GPRC5B: variants seen among roughly 807,000 people sequenced by gnomAD.
The protein encoded by GPRC5B is G protein-coupled receptor class C group 5 member B.
In GPRC5B, 16 loss-of-function variants were observed where a neutral mutation model predicts 30.1. The ratio of observed to expected loss-of-function variants is 0.53; its 90% confidence interval spans 0.36 to 0.81. The LOEUF is 0.81. GPRC5B is among the 30% of genes least tolerant of loss of function. The pLI is 0.01. For synonymous variants in GPRC5B, 241 were observed against 239.5 expected (o/e 1.01, Z -0.06); for missense variants, 428 against 544.7 (o/e 0.79, Z 2.13).
chr16:19,872,691 TC>T lies in GPRC5B; in HGVS notation c.154del (p.Asp52ThrfsTer17). 2 of 1,614,026 alleles carry T rather than the reference TC, an allele frequency of 1.2e-6. No individual in the cohort carries two copies. The highest frequency in any genetic ancestry group is 1.7e-6 in the Non-Finnish European group (2 of 1,180,016). On this transcript the variant is annotated frameshift_variant, in exon 2 of 4. Coordinates refer to ENST00000300571, the MANE Select transcript of GPRC5B (RefSeq NM_016235.3). LOFTEE classifies it high-confidence loss of function. This position sits in a 1 kb window ranked among gnomAD's most constrained non-coding sequence, Gnocchi z 5.0. Reference protein sequence around the residue: ...LPQYVSLCDLDAIWGIVVEAV... With the variant: ...LPQYVSLCDLXAIWGIVVEAV... ...CTCCACCACAATGCCCCAGATGGCG[TC>T]CAGGTCGCACAGGGACACGTACTGA...
chr16:19,876,966 T>C (rs978933292), intron 1 of GPRC5B, among the ~76,000 whole-genome samples: 1 of 152,182 alleles, frequency 6.6e-6, no homozygotes, highest in African/African-American at 2.4e-5. Context: ...GAGTGGTTCA[T>C]GGAAAGGCAC....
rs778889038 is a variant in GPRC5B, at chr16:19,872,054, C to A, written c.792G>T (p.Gly264=). 3.1e-6 allele frequency: 5 copies of A among 1,614,024 alleles called. No homozygotes were observed. In the East Asian group the frequency reaches 1.1e-4, roughly 36 times the overall value. The part of the protein sequence containing the change: ...YLFGNVKLQQ[G]DAWNDPTLAI... ...CCAAGGTGGGGTCGTTCCAGGCATCCCCCTGCTGCAGCTTGACATTGCCGA... is the reference window on the plus strand; with the variant it reads ...CCAAGGTGGGGTCGTTCCAGGCATCACCCTGCTGCAGCTTGACATTGCCGA... The change falls in exon 2 of 4, where the codon GGG becomes GGT. Residue 264 remains glycine (G), a synonymous_variant. Transcript: ENST00000300571. This position sits in a 1 kb window ranked among gnomAD's most constrained non-coding sequence, Gnocchi z 5.0.
intron 1 of GPRC5B, among the ~76,000 whole-genome samples, chr16:19,873,759 G>A (rs1597630779): frequency 6.6e-6 from 1 of 152,024 alleles, no homozygotes; most frequent in Admixed American, 6.6e-5. Context: ...ACCTCACTCC[G>A]CGGGCTCCCA....
At position 19,880,270 on chromosome 16, in the gene GPRC5B, G is replaced by C. The variant is rs117620778; in HGVS notation, c.-2+4457C>G. Reference sequence around the variant, plus strand: ...TAGAAGGGGTGGTTGCCATGGAGATGGTGTTGTAACGAGGTGGCTCGCCTA... The same window carrying C: ...TAGAAGGGGTGGTTGCCATGGAGATCGTGTTGTAACGAGGTGGCTCGCCTA... On this transcript the variant is annotated intron_variant, in intron 1 of 3. Transcript: ENST00000300571. Among the ~76,000 whole-genome samples the C allele has an allele frequency of 6.7e-3, 1,012 of 151,318 alleles. 6 individuals carry two copies. The highest frequency in any genetic ancestry group is 8.8e-3 in the Non-Finnish European group (595 of 67,812).
chr16:19,878,247 C>G lies in GPRC5B; in HGVS notation c.-1-5401G>C, dbSNP rs547013363. Among the ~76,000 whole-genome samples, 4 of 150,844 alleles carry G rather than the reference C, an allele frequency of 2.7e-5. No individual in the cohort carries two copies. The South Asian group carries it at 8.4e-4, about 32-fold the overall frequency. On this transcript the variant is annotated intron_variant, in intron 1 of 3. Transcript: ENST00000300571. The stretch of plus-strand genomic sequence containing the variant: ...AACAAAAAAACCCAAAGTAGATTCT[C>G]CCTGTCCTTGTCAATCTTTTGAGTG...
upstream of GPRC5B, chr16:19,885,389 A>T (rs958384663): frequency 2.6e-6 from 3 of 1,170,740 alleles, no homozygotes; most frequent in Non-Finnish European, 3.2e-6. This position sits in a 1 kb window ranked among gnomAD's most constrained non-coding sequence, Gnocchi z 5.3. Context: ...ACCTAGGCGC[A>T]CACACACCGC....
At chr16:19,880,107 T>C (rs2056792615) in intron 1 of GPRC5B, among the ~76,000 whole-genome samples, 1 of 151,824 alleles carries the variant, frequency 6.6e-6, no homozygotes, top group African/African-American at 2.4e-5. Context: ...CACTCCAGCC[T>C]AGGTGACAGC....
chr16:19,857,389 T>C lies in GPRC5B; in HGVS notation c.*3111A>G. The C allele has an allele frequency of 3.8e-5, 16 of 423,984 alleles. 1 individual carries two copies. The highest frequency in any genetic ancestry group is 2.6e-4 in the South Asian group (15 of 57,518). 26.3% of individuals were successfully genotyped at this position (423,984 alleles called of 1,614,324 possible). On this transcript the variant is annotated 3_prime_UTR_variant, in exon 4 of 4. Coordinates refer to ENST00000300571, the MANE Select transcript of GPRC5B (RefSeq NM_016235.3). ...GGTTTACAGCCTTTTAAATTTGTAA[T>C]ATTTATATAGTCGTTTATGGTACAT...
intron 1 of GPRC5B, among the ~76,000 whole-genome samples, chr16:19,878,844 G>A (rs930390915): frequency 5.3e-5 from 8 of 152,136 alleles, no homozygotes; most frequent in Non-Finnish European, 8.8e-5. Flanking sequence ...GGTTTACATC[G>A]AAGTTTGGTT....
intron 2 of GPRC5B, among the ~76,000 whole-genome samples, chr16:19,867,771 G>A (rs952652867): frequency 6.6e-6 from 1 of 151,864 alleles, no homozygotes; most frequent in Non-Finnish European, 1.5e-5. Context: ...AGGCTCCAAG[G>A]CCGGGCGTGG....
Position 19,872,626 on chromosome 16 carries a change from T to G in GPRC5B, c.220A>C (p.Met74Leu). The change falls in exon 2 of 4, where the codon ATG (methionine) becomes CTG (leucine). Residue 74 changes from methionine (M) to leucine (L), a missense_variant. Transcript: ENST00000300571. The surrounding 1 kb of genome is among the most constrained non-coding windows in gnomAD (Gnocchi z 5.0). ...GGCAGCCGCACCAGGAGGATGAGCA[T>G]CAGGAGCAGTGTGATCAGGGCGCCC... ...GAGALITLLL[M>L]LILLVRLPFI... The G allele has an allele frequency of 6.2e-7, 1 of 1,613,978 alleles. No individual in the cohort carries two copies. Among genetic ancestry groups the G allele is most frequent in the Non-Finnish European group, 8.5e-7 (1 of 1,179,896 alleles).
upstream of GPRC5B, chr16:19,884,853 G>T (rs964285133): frequency 1.3e-5 from 13 of 982,410 alleles, no homozygotes; most frequent in African/African-American, 1.8e-4. Context: ...TGCAGCGCCT[G>T]CCAGAGTCGC....
intron 1 of GPRC5B, among the ~76,000 whole-genome samples, 166 bp from the exon 2 acceptor site, chr16:19,873,012 G>C (rs2056735515): frequency 6.6e-6 from 1 of 152,164 alleles, no homozygotes; most frequent in Non-Finnish European, 1.5e-5. Context: ...CAGGCACGGA[G>C]GTTTTGGGAC....
At chr16:19,884,414 A>C (rs1179394432) in intron 1 of GPRC5B, among the ~76,000 whole-genome samples, 2 of 149,682 alleles carry the variant, frequency 1.3e-5, no homozygotes, top group African/African-American at 2.5e-5. Flanking sequence ...GCTGCCCTTC[A>C]CCTGTGGTCG....
In GPRC5B at chr16:19,858,263, T is replaced by C. The variant is rs1363485992; in HGVS notation, c.*2237A>G. The C allele has an allele frequency of 1.0e-5, 4 of 397,692 alleles. No individual in the cohort carries two copies. The highest frequency in any genetic ancestry group is 2.1e-5 in the African/African-American group (1 of 48,600). The allele number at this position is 397,692 out of a possible 1,614,324, so 24.6% of individuals were successfully genotyped here. On this transcript the variant is annotated 3_prime_UTR_variant, in exon 4 of 4. Transcript: ENST00000300571. ...CATTATGAAGGCGTTCAGCCCACTC[T>C]CAACCTTAAAAGCCAAAATAAAACA...
upstream of GPRC5B, chr16:19,885,570 T>C: frequency 9.3e-7 from 1 of 1,075,380 alleles, no homozygotes; most frequent in Non-Finnish European, 1.1e-6. The surrounding 1 kb of genome is among the most constrained non-coding windows in gnomAD (Gnocchi z 5.3). Context: ...CTACGCAGGA[T>C]CGCCACCACC....
At chr16:19,884,638 G>T in intron 1 of GPRC5B, 89 bp downstream of exon 1, 1 of 897,548 alleles carries the variant, frequency 1.1e-6, no homozygotes, top group Non-Finnish European at 1.3e-6. Context: ...CACAAGAAGC[G>T]GACCCCCCAA....
Position 19,884,774 on chromosome 16 carries a change from C to T in GPRC5B, c.-49G>A. 4 of 984,862 alleles carry T rather than the reference C, an allele frequency of 4.1e-6. No homozygotes were observed. Among genetic ancestry groups the T allele is most frequent in the Non-Finnish European group, 4.8e-6 (4 of 829,656 alleles). 61.0% of individuals were successfully genotyped at this position (984,862 alleles called of 1,614,324 possible). A position where few individuals can be genotyped will look rare whatever the true frequency, so the allele number is the denominator to read the frequency against. Reference sequence around the variant, plus strand: ...CCGACGCTCCAGCTGGCCTTCGGCCCGAGTCACATCTCTGCGGCGCGGCCG... The same window carrying T: ...CCGACGCTCCAGCTGGCCTTCGGCCTGAGTCACATCTCTGCGGCGCGGCCG... On this transcript the variant is annotated 5_prime_UTR_variant, in exon 1 of 4. Coordinates refer to ENST00000300571, the MANE Select transcript of GPRC5B (RefSeq NM_016235.3).
chr16:19,864,717 G>GC (rs1368382367), intron 2 of GPRC5B, among the ~76,000 whole-genome samples: 4 of 152,238 alleles, frequency 2.6e-5, no homozygotes, highest in African/African-American at 9.6e-5. Context: ...CAAGGATAAG[G>GC]CCTCTGCCTC....
Sources: allele counts gnomAD v4.1 joint callset (sites outside exome capture counted in the v4.1 genomes callset), GRCh38; gene constraint gnomAD v4.1.1; non-coding constraint Gnocchi (gnomAD v3.1); transcripts MANE v1.5; gene names NCBI Gene and HGNC (gene_info 2026-07-23, HGNC 2026-07-21).